The following ZNF780B variants were observed in gnomAD, a reference collection of about 807,000 sequenced individuals.
ZNF780B encodes the protein zinc finger protein 779.
A neutral mutation model predicts 74.1 loss-of-function variants in ZNF780B; 52 were observed. The observed-to-expected ratio is 0.70, with a 90% CI of 0.56 to 0.88. ZNF780B has a LOEUF of 0.88. Ranked by LOEUF, ZNF780B falls within the 40% of genes least tolerant of loss-of-function variation. The pLI is 0.00. For missense variants in ZNF780B, 953 were observed against 1,007.6 expected, an observed-to-expected ratio of 0.95 and a Z score of 0.73; for synonymous variants, 315 against 324.3, an observed-to-expected ratio of 0.97 and a Z score of 0.31.
intron 4 of ZNF780B, among the ~76,000 whole-genome samples, chr19:40,044,914 G>GA (rs1286385443): frequency 6.6e-6 from 1 of 152,122 alleles, no homozygotes; most frequent in African/African-American, 2.4e-5. Flanking sequence ...CTGAATGGAT[G>GA]AAAAAACATG....
At chr19:40,049,043 A>C in intron 2 of ZNF780B, 3 of 443,142 alleles carry the variant, frequency 6.8e-6, no homozygotes, top group Non-Finnish European at 8.0e-6. Flanking sequence ...GGGCAACATA[A>C]CGAGATGCAC....
intron 4 of ZNF780B, among the ~76,000 whole-genome samples, chr19:40,043,711 G>A (rs1487427983): frequency 6.6e-6 from 1 of 152,254 alleles, no homozygotes; most frequent in African/African-American, 2.4e-5. Context: ...CGAGCCATGT[G>A]CGGGATATAA....
At chr19:40,055,314 TC>T (rs1435593186) in intron 1 of ZNF780B, 1 of 152,056 alleles carries the variant, frequency 6.6e-6, no homozygotes, top group Non-Finnish European at 1.5e-5. Flanking sequence ...GGGGCAAGAA[TC>T]AATTTGCATA....
In ZNF780B at chr19:40,035,235, G is replaced by A; in HGVS notation, c.1624C>T (p.Leu542=). The change falls in exon 5 of 5, where the codon CTA becomes TTA. Residue 542 remains leucine (L), a synonymous_variant. Transcript: ENST00000434248. The part of the protein sequence containing the change: ...KECGKAFRLH[L]QLSQHEKTHT... ...GTTTTCTCATGTTGAGAAAGTTGTA[G>A]GTGAAGTCTAAAAGCCTTCCCACAC... The A allele has an allele frequency of 6.2e-7, 1 of 1,611,586 alleles. No homozygotes were observed. Among genetic ancestry groups the A allele is most frequent in the Non-Finnish European group, 8.5e-7 (1 of 1,179,206 alleles).
chr19:40,043,753 G>A (rs1972786720), intron 4 of ZNF780B, among the ~76,000 whole-genome samples: 5 of 152,340 alleles, frequency 3.3e-5, no homozygotes, highest in Non-Finnish European at 5.9e-5. Context: ...AAGCCCATTG[G>A]AAAAGCACAA....
intron 1 of ZNF780B, among the ~76,000 whole-genome samples, chr19:40,054,416 A>G (rs1335161367): frequency 6.6e-6 from 1 of 152,156 alleles, no homozygotes; most frequent in Admixed American, 6.5e-5. Context: ...AATGATAACT[A>G]TGTGAGGTAA....
intron 2 of ZNF780B, chr19:40,049,027 C>T: frequency 2.1e-6 from 1 of 487,104 alleles, no homozygotes; most frequent in Non-Finnish European, 3.6e-6. Context: ...AGTTGGCAAA[C>T]AGCCTGGGCA....
chr19:40,045,994 A>G (rs1293148855), intron 4 of ZNF780B, among the ~76,000 whole-genome samples: 1 of 152,168 alleles, frequency 6.6e-6, no homozygotes, highest in East Asian at 1.9e-4. Flanking sequence ...AACTCAAAAA[A>G]AAGAAAGACA....
rs1322480662 is a variant in ZNF780B at position 40,034,341 on chromosome 19, T to A, written c.*16A>T. On this transcript the variant is annotated 3_prime_UTR_variant, in exon 5 of 5. Transcript: ENST00000434248. ...ATATTGAAAGGCCTTCCCACATTCC[T>A]TACATTCAAAGGTTTTCACCCAAGT... 2 of 1,587,028 alleles carry A rather than the reference T, an allele frequency of 1.3e-6. No homozygotes were observed. The highest frequency in any genetic ancestry group is 4.5e-5 in the East Asian group (2 of 44,622).
In ZNF780B at chr19:40,036,449, C is replaced by T. The variant is rs762049545; in HGVS notation, c.410G>A (p.Gly137Glu). ...RFEGRQGHQE[G>E]YINQKIISYE... ...GCTGATGATCTTCTGGTTGATATATCCTTCTTGATGTCCCTGTCGTCCCTC... is the reference window on the plus strand; with the variant it reads ...GCTGATGATCTTCTGGTTGATATATTCTTCTTGATGTCCCTGTCGTCCCTC... Residue 137 changes from glycine to glutamate, a missense_variant, in exon 5 of 5, where the codon GGA (glycine) becomes GAA (glutamate). By Grantham distance (98) the Gly-to-Glu change is moderately conservative (BLOSUM62 -2). Coordinates refer to ENST00000434248, the MANE Select transcript of ZNF780B (RefSeq NM_001005851.3). 4.3e-6 allele frequency: 7 copies of T among 1,609,402 alleles called. No homozygotes were observed. The highest frequency in any genetic ancestry group is 5.9e-6 in the Non-Finnish European group (7 of 1,178,840).
chr19:40,036,525 C>T lies in ZNF780B; in HGVS notation c.334G>A (p.Gly112Ser), dbSNP rs750556467. Residue 112 changes from glycine (G) to serine (S), a missense_variant, in exon 5 of 5, where the codon GGC becomes AGC. Coordinates refer to ENST00000434248, the MANE Select transcript of ZNF780B (RefSeq NM_001005851.3). ...HVIKQISKTL[G>S]LEAFYFRNDS... is the part of the protein sequence containing the mutation. ...TTTCTAAAATAAAAGGCCTCGAGGC[C>T]AAGTGTTTTACTTATTTGCTTTATA... The T allele has an allele frequency of 1.9e-6, 3 of 1,603,636 alleles. No homozygotes were observed. The highest frequency in any genetic ancestry group is 1.7e-6 in the Non-Finnish European group (2 of 1,175,772).
rs775844712 is a variant in ZNF780B, at chr19:40,036,188, T to A, written c.671A>T (p.Lys224Met). The stretch of plus-strand genomic sequence containing the variant: ...AAGATTAAAGGCTTTTCCACATTCC[T>A]TACATTCAAAAGTTTTCTCACCAGT... ...FHTGEKTFEC[K>M]ECGKAFNLPT... Residue 224 changes from lysine (K) to methionine (M), a missense_variant, in exon 5 of 5, where the codon AAG becomes ATG. Lys to Met is a moderately conservative substitution (Grantham distance 95). Coordinates refer to ENST00000434248, the MANE Select transcript of ZNF780B (RefSeq NM_001005851.3). 1.2e-6 allele frequency: 2 copies of A among 1,613,540 alleles called. No individual in the cohort carries two copies. Among genetic ancestry groups the A allele is most frequent in the Non-Finnish European group, 1.7e-6 (2 of 1,179,830 alleles).
chr19:40,041,719 G>C (rs910980872), intron 4 of ZNF780B, among the ~76,000 whole-genome samples: 15 of 152,044 alleles, frequency 9.9e-5, no homozygotes, highest in Non-Finnish European at 1.3e-4. Flanking sequence ...TCAGAGACTA[G>C]GATTGCAACC....
intron 4 of ZNF780B, among the ~76,000 whole-genome samples, chr19:40,045,683 G>A (rs747364985): frequency 2.0e-5 from 3 of 152,060 alleles, no homozygotes; most frequent in Admixed American, 1.3e-4. Flanking sequence ...GGAGGGAATC[G>A]GAGGTCAGAA....
At chr19:40,052,601 T>C (rs942616160) in intron 1 of ZNF780B, among the ~76,000 whole-genome samples, 2 of 150,618 alleles carry the variant, frequency 1.3e-5, no homozygotes, top group Admixed American at 6.6e-5. Context: ...AAAATGTGCA[T>C]AGAACCACAA....
chr19:40,053,030 A>G (rs1242119245), intron 1 of ZNF780B, among the ~76,000 whole-genome samples: 3 of 152,186 alleles, frequency 2.0e-5, no homozygotes, highest in African/African-American at 7.2e-5. Context: ...TGATCTGGGC[A>G]ATAATTTTTT....
rs1301582113 is a variant in ZNF780B, at chr19:40,047,430, C to T, written c.177G>A (p.Glu59=). 6.2e-7 allele frequency: 1 copy of T among 1,613,864 alleles called. No individual in the cohort carries two copies. Among genetic ancestry groups the T allele is most frequent in the Admixed American group, 1.7e-5 (1 of 60,002 alleles). ...CAACAATCCAGGGCTCTTTCTCTTGCTCTAGTAATGTAATCACATCTGGCT... is the reference window on the plus strand; with the variant it reads ...CAACAATCCAGGGCTCTTTCTCTTGTTCTAGTAATGTAATCACATCTGGCT... ...ISKPDVITLL[E]QEKEPWIVVS... is the part of the protein sequence containing the mutation. Residue 59 remains glutamate, a synonymous_variant, in exon 4 of 5, where the codon GAG becomes GAA. Coordinates refer to ENST00000434248, the MANE Select transcript of ZNF780B (RefSeq NM_001005851.3).
At chr19:40,047,267 A>G in intron 4 of ZNF780B, 108 bp downstream of exon 4, 1 of 939,510 alleles carries the variant, frequency 1.1e-6, no homozygotes, top group Non-Finnish European at 1.7e-6. Context: ...ACCTTGGGTT[A>G]TTGAAGAAAG....
At position 40,051,253 on chromosome 19, in the gene ZNF780B, CAT is replaced by C. The variant is rs577980752; in HGVS notation, c.-45-878_-45-877del. 8.5e-3 allele frequency among the ~76,000 whole-genome samples: 1,287 copies of C among 152,100 alleles called. 19 individuals carry two copies. Among genetic ancestry groups the C allele is most frequent in the African/African-American group, 0.029 (1,208 of 41,466 alleles). On this transcript the variant is annotated intron_variant, in intron 1 of 4. Coordinates refer to ENST00000434248, the MANE Select transcript of ZNF780B (RefSeq NM_001005851.3). ...ACACACATATATACACACATATACA[CAT>C]GTGTATGTATCTATATATGTACATA...
Sources: allele counts gnomAD v4.1 joint callset (sites outside exome capture counted in the v4.1 genomes callset), GRCh38; gene constraint gnomAD v4.1.1; transcripts MANE v1.5; gene names NCBI Gene and HGNC (gene_info 2026-07-23, HGNC 2026-07-21).